ARHGEF28: variants seen among roughly 807,000 people sequenced by gnomAD.
The protein encoded by ARHGEF28 is Rho guanine nucleotide exchange factor 28.
ARHGEF28 carries 152 observed loss-of-function variants against 206.6 expected under a neutral mutation model. The observed-to-expected ratio is 0.74, with a 90% CI of 0.64 to 0.84. The LOEUF is 0.84. Among genes scored for constraint, ARHGEF28 ranks in the 40% least tolerant of loss-of-function variants. The pLI is 0.00. For synonymous variants in ARHGEF28, 763 were observed against 776.4 expected (o/e 0.98, Z 0.29); for missense variants, 2,028 against 2,073.2 (o/e 0.98, Z 0.42).
At chr5:73,657,898 T>TA (rs768837951) in intron 1 of ARHGEF28, among the ~76,000 whole-genome samples, 3 of 152,222 alleles carry the variant, frequency 2.0e-5, no homozygotes, top group Non-Finnish European at 4.4e-5. Context: ...CAGTAGCCAT[T>TA]AAACCCAATC....
chr5:73,731,598 A>G (rs1750627114), intron 2 of ARHGEF28, among the ~76,000 whole-genome samples: 1 of 152,168 alleles, frequency 6.6e-6, no homozygotes, highest in Non-Finnish European at 1.5e-5. Context: ...TTGAAGGGAT[A>G]GGGTGGTCAT....
At chr5:73,887,507 T>G in intron 25 of ARHGEF28, 96 bp from the exon 26 acceptor site, 1 of 955,536 alleles carries the variant, frequency 1.0e-6, no homozygotes, top group Non-Finnish European at 1.5e-6. Context: ...TTATAAAACT[T>G]TCATACTTAG....
In ARHGEF28 at chr5:73,866,022, T is replaced by A; in HGVS notation, c.2152+9T>A. The A allele has an allele frequency of 6.3e-7, 1 of 1,592,034 alleles. No individual in the cohort carries two copies. The highest frequency in any genetic ancestry group is 8.6e-7 in the Non-Finnish European group (1 of 1,168,302). On this transcript the variant is annotated intron_variant, in intron 18 of 35. Transcript: ENST00000513042. ...ACAGACCATCCTTGGAAGTAAGTGA[T>A]GTAGAAAACGACAAGAACTTTTAAA...
At chr5:73,879,409 C>T (rs1411373234) in intron 22 of ARHGEF28, among the ~76,000 whole-genome samples, 1 of 152,142 alleles carries the variant, frequency 6.6e-6, no homozygotes, top group Non-Finnish European at 1.5e-5. Context: ...TCATCTGGAG[C>T]CTTCTTCTCT....
chr5:73,784,134 A>G (rs995305995), intron 7 of ARHGEF28, among the ~76,000 whole-genome samples: 3 of 151,834 alleles, frequency 2.0e-5, no homozygotes. Context: ...TTAAAAAAAA[A>G]AAACCAAACA....
chr5:73,651,020 T>C lies in ARHGEF28; in HGVS notation c.-12+24698T>C, dbSNP rs554374761. 9.2e-5 allele frequency among the ~76,000 whole-genome samples: 14 copies of C among 152,354 alleles called. No individual in the cohort carries two copies. In the East Asian group the frequency reaches 2.7e-3, roughly 29 times the overall value. On this transcript the variant is annotated intron_variant, in intron 1 of 35. Coordinates refer to ENST00000513042, the MANE Select transcript of ARHGEF28 (RefSeq NM_001177693.2). ...GAAACTCTGAGAGACCAAAGTACTT[T>C]CAAAAGACAAATGCTACAATTAGTT...
chr5:73,891,453 T>A lies in ARHGEF28; in HGVS notation c.3388-599T>A, dbSNP rs183740663. ...TATCTCATGCTCTCTTAGAAAAACT[T>A]CTCCTGCCTTGACTATGGCATTTTG... On this transcript the variant is annotated intron_variant, in intron 26 of 35. Transcript: ENST00000513042. Among the ~76,000 whole-genome samples, 7 of 152,238 alleles carry A rather than the reference T, an allele frequency of 4.6e-5. No homozygotes were observed. In the East Asian group the frequency reaches 1.4e-3, roughly 29 times the overall value.
intron 22 of ARHGEF28, among the ~76,000 whole-genome samples, chr5:73,880,234 G>A (rs1760827690): frequency 1.3e-5 from 2 of 152,230 alleles, no homozygotes; most frequent in Admixed American, 6.5e-5. Context: ...TCCGAGCCAG[G>A]TGTGGGATAT....
At chr5:73,875,975 A>G (rs1760451771) in intron 22 of ARHGEF28, among the ~76,000 whole-genome samples, 1 of 151,496 alleles carries the variant, frequency 6.6e-6, no homozygotes, top group Non-Finnish European at 1.5e-5. Context: ...TGCTAGCTTG[A>G]TGGGGATGGC....
chr5:73,717,323 C>A (rs994822614), intron 2 of ARHGEF28, among the ~76,000 whole-genome samples: 2 of 152,082 alleles, frequency 1.3e-5, no homozygotes, highest in Admixed American at 6.6e-5. Context: ...TGACTGTCTT[C>A]CTGGGAATCT....
intron 5 of ARHGEF28, 25 bp downstream of exon 5, chr5:73,774,063 C>A (rs555598020): frequency 1.3e-6 from 2 of 1,543,584 alleles, no homozygotes; most frequent in African/African-American, 1.4e-5. Context: ...TTGATAGTCT[C>A]TCTCTTATTT....
chr5:73,706,291 C>A (rs1488056577), intron 2 of ARHGEF28, among the ~76,000 whole-genome samples: 2 of 152,072 alleles, frequency 1.3e-5, no homozygotes, highest in African/African-American at 2.4e-5. Context: ...TTGCAGTGAG[C>A]CGAGATCACA....
chr5:73,758,026 C>T (rs190563079), intron 4 of ARHGEF28, among the ~76,000 whole-genome samples: 12 of 152,130 alleles, frequency 7.9e-5, no homozygotes, highest in Non-Finnish European at 7.4e-5. Flanking sequence ...AAAGCCCCCT[C>T]GACCTTCCTG....
At chr5:73,699,779 C>G (rs1024891524) in intron 2 of ARHGEF28, among the ~76,000 whole-genome samples, 1 of 152,090 alleles carries the variant, frequency 6.6e-6, no homozygotes. Context: ...AACAGACAAC[C>G]ATGAATCTAC....
At chr5:73,781,310 G>A (rs1331055045) in intron 7 of ARHGEF28, among the ~76,000 whole-genome samples, 2 of 152,134 alleles carry the variant, frequency 1.3e-5, no homozygotes, top group Non-Finnish European at 2.9e-5. Context: ...TTCAGAGACG[G>A]CATGTGTGAT....
intron 2 of ARHGEF28, among the ~76,000 whole-genome samples, chr5:73,702,546 A>G (rs1348515753): frequency 6.6e-6 from 1 of 152,178 alleles, no homozygotes; most frequent in Non-Finnish European, 1.5e-5. Flanking sequence ...TCAATTTTTT[A>G]GGTATATACC....
Position 73,769,473 on chromosome 5 carries a change from TTG to T in ARHGEF28, c.476-4379_476-4378del, listed in dbSNP as rs112738685. ...TTAATTGAAACATATCCTGTGTATT[TTG>T]TGACTTGATTTTTCCCTTTTGACAT... On this transcript the variant is annotated intron_variant, in intron 4 of 35. Coordinates refer to ENST00000513042, the MANE Select transcript of ARHGEF28 (RefSeq NM_001177693.2). 6.7e-4 allele frequency among the ~76,000 whole-genome samples: 102 copies of T among 152,368 alleles called. 2 individuals carry two copies. The highest frequency in any genetic ancestry group is 2.3e-3 in the African/African-American group (97 of 41,578).
intron 1 of ARHGEF28, among the ~76,000 whole-genome samples, chr5:73,643,523 T>C (rs961149884): frequency 1.3e-5 from 2 of 152,104 alleles, no homozygotes; most frequent in Non-Finnish European, 2.9e-5. Context: ...TTCAATAAAG[T>C]AAAAATTTGG....
intron 4 of ARHGEF28, among the ~76,000 whole-genome samples, chr5:73,769,771 G>T (rs1753117047): frequency 6.6e-6 from 1 of 152,180 alleles, no homozygotes; most frequent in Non-Finnish European, 1.5e-5. Flanking sequence ...CTCTAGCAGT[G>T]ATTGTGAGTT....
Sources: gnomAD v4.1 joint callset for allele counts (sites outside exome capture counted in the v4.1 genomes callset) on GRCh38, gnomAD v4.1.1 for gene constraint, MANE v1.5 for transcripts, NCBI Gene and HGNC (gene_info 2026-07-23, HGNC 2026-07-21) for gene names.